Variants in ZMAT5 observed in about 807,000 individuals in gnomAD.
The protein encoded by ZMAT5 is zinc finger matrin-type 5.
In ZMAT5, 23 loss-of-function variants were observed where a neutral mutation model predicts 28.0. That is an observed-to-expected ratio of 0.82 (90% CI 0.59 to 1.16). ZMAT5 has a LOEUF of 1.16. Ranked by LOEUF, ZMAT5 falls within the 50% of genes most tolerant of loss-of-function variation. The pLI is 0.00. For missense variants in ZMAT5, 173 were observed against 212.7 expected, an observed-to-expected ratio of 0.81 and a Z score of 1.16; for synonymous variants, 76 against 84.1, an observed-to-expected ratio of 0.90 and a Z score of 0.52.
chr22:29,757,257 A>C (rs980460220), intron 1 of ZMAT5, among the ~76,000 whole-genome samples: 7 of 151,346 alleles, frequency 4.6e-5, no homozygotes, highest in East Asian at 3.9e-4. Flanking sequence ...AAAAAAAAAA[A>C]CAGAAAGAAA....
chr22:29,741,662 T>A (rs1340664606), intron 3 of ZMAT5, among the ~76,000 whole-genome samples: 3 of 152,314 alleles, frequency 2.0e-5, no homozygotes, highest in East Asian at 3.9e-4. Flanking sequence ...TGTCTTTTTT[T>A]AAAAGAGACA....
intron 1 of ZMAT5, among the ~76,000 whole-genome samples, chr22:29,762,556 G>A (rs930651086): frequency 4.6e-5 from 7 of 152,206 alleles, no homozygotes; most frequent in South Asian, 2.1e-4. Context: ...CTGCGCATGC[G>A]AGGGATCTAG....
chr22:29,733,962 G>A (rs896334517), intron 5 of ZMAT5, among the ~76,000 whole-genome samples: 2 of 152,222 alleles, frequency 1.3e-5, no homozygotes, highest in Admixed American at 1.3e-4. Flanking sequence ...TAGCTTCTCT[G>A]GTGACCTGTT....
At chr22:29,733,921 T>C (rs542939010) in intron 5 of ZMAT5, among the ~76,000 whole-genome samples, 11 of 152,320 alleles carry the variant, frequency 7.2e-5, no homozygotes, top group African/African-American at 9.6e-5. Context: ...CTTGGGGACA[T>C]TGAGGTGCGT....
intron 1 of ZMAT5, among the ~76,000 whole-genome samples, chr22:29,753,037 C>T (rs977912601): frequency 5.9e-5 from 9 of 152,196 alleles, no homozygotes; most frequent in African/African-American, 2.2e-4. Context: ...GATACCCAGC[C>T]TGGGGACAGC....
chr22:29,760,154 T>G (rs1016606984), intron 1 of ZMAT5, among the ~76,000 whole-genome samples: 3 of 151,632 alleles, frequency 2.0e-5, no homozygotes, highest in Non-Finnish European at 4.4e-5. Flanking sequence ...CGAGCCGAGA[T>G]TGCACCACTG....
At chr22:29,764,884 C>T (rs1452740363) in intron 1 of ZMAT5, among the ~76,000 whole-genome samples, 1 of 152,148 alleles carries the variant, frequency 6.6e-6, no homozygotes, top group Admixed American at 6.5e-5. Context: ...TTCCTCCTGC[C>T]TTGGATTCCC....
At chr22:29,737,728 G>C (rs2067919236) in intron 5 of ZMAT5, among the ~76,000 whole-genome samples, 1 of 152,016 alleles carries the variant, frequency 6.6e-6, no homozygotes, top group Non-Finnish European at 1.5e-5. Flanking sequence ...GTTCTGATGT[G>C]AATATCACCC....
At chr22:29,752,205 G>C (rs997390546) in intron 1 of ZMAT5, among the ~76,000 whole-genome samples, 2 of 152,136 alleles carry the variant, frequency 1.3e-5, no homozygotes, top group African/African-American at 4.8e-5. Context: ...AGGAAAGCCT[G>C]TCTTCATGCT....
chr22:29,764,035 T>C (rs779538095), intron 1 of ZMAT5, among the ~76,000 whole-genome samples: 2 of 151,598 alleles, frequency 1.3e-5, no homozygotes, highest in Non-Finnish European at 2.9e-5. Context: ...AGCAGGTGAA[T>C]TGCTTGAGCC....
At position 29,759,969 on chromosome 22, in the gene ZMAT5, G is replaced by A. The variant is rs543030387; in HGVS notation, c.-28+6903C>T. On this transcript the variant is annotated intron_variant, in intron 1 of 5. Coordinates refer to ENST00000344318, the MANE Select transcript of ZMAT5 (RefSeq NM_001003692.2). ...TAATCCTGGCACTTTGGGAGGCCAA[G>A]GTGGGTGGATTGCCTGAGCTCAGGA... Among the ~76,000 whole-genome samples, 6 of 152,256 alleles carry A rather than the reference G, an allele frequency of 3.9e-5. No homozygotes were observed. The East Asian group carries it at 5.8e-4, about 15-fold the overall frequency.
intron 2 of ZMAT5, among the ~76,000 whole-genome samples, chr22:29,742,811 C>G (rs963802467): frequency 6.6e-6 from 1 of 152,112 alleles, no homozygotes; most frequent in Non-Finnish European, 1.5e-5. Flanking sequence ...TTTTTAGAGA[C>G]AGGGTCTCGC....
At chr22:29,731,555 C>A in intron 5 of ZMAT5, 2 of 587,002 alleles carry the variant, frequency 3.4e-6, no homozygotes, top group Non-Finnish European at 5.5e-6. Flanking sequence ...AAGGAAATAG[C>A]GGGGTTGCAG....
chr22:29,748,625 C>T (rs1276370485), intron 1 of ZMAT5, 54 bp from the exon 2 acceptor site: 2 of 1,594,366 alleles, frequency 1.3e-6, no homozygotes, highest in Non-Finnish European at 1.7e-6. Context: ...ACATCCCTCA[C>T]CAGCCCACTG....
intron 3 of ZMAT5, among the ~76,000 whole-genome samples, chr22:29,741,971 A>G (rs181790715): frequency 6.6e-6 from 1 of 152,150 alleles, no homozygotes; most frequent in Admixed American, 6.5e-5. Flanking sequence ...TCTCTGACCT[A>G]TATGCATCTC....
intron 3 of ZMAT5, among the ~76,000 whole-genome samples, chr22:29,741,631 C>T (rs963648746): frequency 2.0e-5 from 3 of 152,184 alleles, no homozygotes; most frequent in African/African-American, 7.2e-5. Flanking sequence ...CCTTCACTTA[C>T]TGAGGTTTTA....
rs940432591 is a variant in ZMAT5 at position 29,761,093 on chromosome 22, T to A, written c.-28+5779A>T. ...ATCGAGACCATCCTGGCCAACGTGG[T>A]GAAACCCTGTCTCTACTAAAAATAT... On this transcript the variant is annotated intron_variant, in intron 1 of 5. Coordinates refer to ENST00000344318, the MANE Select transcript of ZMAT5 (RefSeq NM_001003692.2). Among the ~76,000 whole-genome samples, 3 of 145,920 alleles carry A rather than the reference T, an allele frequency of 2.1e-5. No individual in the cohort carries two copies. The Admixed American group carries it at 2.1e-4, about 10-fold the overall frequency.
intron 1 of ZMAT5, among the ~76,000 whole-genome samples, chr22:29,765,475 C>T (rs1005701117): frequency 5.9e-5 from 9 of 152,078 alleles, no homozygotes; most frequent in South Asian, 2.1e-4. Flanking sequence ...TTCCTCTTTC[C>T]TGTGCACCCT....
chr22:29,731,674 A>G (rs749914072), intron 5 of ZMAT5: 2 of 296,654 alleles, frequency 6.7e-6, no homozygotes, highest in South Asian at 9.1e-5. Context: ...GGCCTGTGTA[A>G]GAATTAAGGC....
Sources: allele counts gnomAD v4.1 joint callset (sites outside exome capture counted in the v4.1 genomes callset), GRCh38; gene constraint gnomAD v4.1.1; transcripts MANE v1.5; gene names NCBI Gene and HGNC (gene_info 2026-07-23, HGNC 2026-07-21).